Variants in KRT72 observed in about 807,000 individuals in gnomAD.
KRT72 encodes the protein keratin 72.
A neutral mutation model predicts 44.7 loss-of-function variants in KRT72; 44 were observed. The observed-to-expected ratio is 0.98, with a 90% CI of 0.77 to 1.27. The LOEUF (loss-of-function observed/expected upper bound fraction) is 1.27. Among genes scored for constraint, KRT72 ranks in the 50% most tolerant of loss-of-function variants. The pLI is 0.00. For synonymous variants in KRT72, 302 were observed against 280.4 expected, an observed-to-expected ratio of 1.08 and a Z score of -0.77; for missense variants, 736 against 667.1, an observed-to-expected ratio of 1.10 and a Z score of -1.14.
rs1939710732 is a variant in KRT72, at chr12:52,585,737, G to A, written c.*245C>T. 1 of 484,866 alleles carries A rather than the reference G, an allele frequency of 2.1e-6. No homozygotes were observed. The highest frequency in any genetic ancestry group is 3.7e-6 in the Non-Finnish European group (1 of 271,094). The allele number at this position is 484,866 out of a possible 1,614,324, so 30.0% of individuals were successfully genotyped here. On this transcript the variant is annotated 3_prime_UTR_variant, in exon 9 of 9. Coordinates refer to ENST00000293745, the MANE Select transcript of KRT72 (RefSeq NM_080747.3). ...CCTTGGGGAAACATCCTGGGTAAGT[G>A]TTGTCTTTGCATTTCAGGCAATGAC...
In KRT72 at chr12:52,585,773, G is replaced by A. The variant is rs563169280; in HGVS notation, c.*209C>T. 3.3e-5 allele frequency: 18 copies of A among 550,712 alleles called. No homozygotes were observed. Among genetic ancestry groups the A allele is most frequent in the Non-Finnish European group, 5.2e-5 (16 of 310,052 alleles). 34.1% of individuals were successfully genotyped at this position (550,712 alleles called of 1,614,324 possible). On this transcript the variant is annotated 3_prime_UTR_variant, in exon 9 of 9. Transcript: ENST00000293745. Reference sequence around the variant, plus strand: ...ATTTCAGGCAATGACCCAACGAAACGGGACCAAGAAGGAGGCCACTGAGAG... The same window carrying A: ...ATTTCAGGCAATGACCCAACGAAACAGGACCAAGAAGGAGGCCACTGAGAG...
At chr12:52,592,514 C>G (rs1189139649) in intron 3 of KRT72, 23 bp from the exon 4 acceptor site, 14 of 1,595,680 alleles carry the variant, frequency 8.8e-6, no homozygotes, top group Non-Finnish European at 8.6e-6. Context: ...GATAGTCAAG[C>G]CGCCCTGAGA....
intron 2 of KRT72, among the ~76,000 whole-genome samples, chr12:52,594,261 A>G (rs1435798309): frequency 1.3e-5 from 2 of 152,214 alleles, no homozygotes; most frequent in South Asian, 2.1e-4. Flanking sequence ...ATTACCGGGT[A>G]TATACTCAAA....
intron 2 of KRT72, among the ~76,000 whole-genome samples, chr12:52,596,917 T>C (rs541847582): frequency 1.5e-4 from 23 of 151,566 alleles, no homozygotes; most frequent in African/African-American, 5.1e-4. Context: ...CATAAAAATA[T>C]ATTATAACAA....
Position 52,601,267 on chromosome 12 carries a change from A to C in KRT72, c.186T>G (p.Ala62=). ...GGCGGCCGCCGCCCCGCCGTGCAGC[A>C]GCGCTGAGCGCCAGGCTTCGGCTGC... ...LGGSRSLALS[A]AARRGGGRLG... Residue 62 remains alanine (A), a synonymous_variant, in exon 1 of 9, where the codon GCT becomes GCG. Transcript: ENST00000293745. 1 of 1,556,914 alleles carries C rather than the reference A, an allele frequency of 6.4e-7. No homozygotes were observed. Among genetic ancestry groups the C allele is most frequent in the Non-Finnish European group, 8.7e-7 (1 of 1,151,290 alleles).
At chr12:52,590,153 T>A (rs1939941752) in intron 6 of KRT72, among the ~76,000 whole-genome samples, 1 of 152,130 alleles carries the variant, frequency 6.6e-6, no homozygotes, top group Non-Finnish European at 1.5e-5. Context: ...ACTCATGGGT[T>A]TGCTTGCTTT....
chr12:52,586,820 C>T, intron 8 of KRT72, 126 bp downstream of exon 8: 1 of 909,218 alleles, frequency 1.1e-6, no homozygotes, highest in Non-Finnish European at 1.8e-6. Flanking sequence ...CAGCTCCTTC[C>T]TTTTTCCCTT....
Position 52,591,578 on chromosome 12 carries a change from T to G in KRT72, c.849A>C (p.Ser283=), listed in dbSNP as rs769757085. ...GGTCCAGATCCCGGTTGTTGTCCATTGACAGGACGATGGACGTGTCGCTGA... is the reference window on the plus strand; with the variant it reads ...GGTCCAGATCCCGGTTGTTGTCCATGGACAGGACGATGGACGTGTCGCTGA... ...SHISDTSIVL[S]MDNNRDLDLD... The change falls in exon 5 of 9, where the codon TCA becomes TCC. Residue 283 remains serine, a synonymous_variant. Transcript: ENST00000293745. 1.2e-6 allele frequency: 2 copies of G among 1,613,886 alleles called. No homozygotes were observed. Among genetic ancestry groups the G allele is most frequent in the East Asian group, 4.5e-5 (2 of 44,884 alleles).
At chr12:52,589,015 T>A (rs1013960726) in intron 6 of KRT72, among the ~76,000 whole-genome samples, 3 of 145,230 alleles carry the variant, frequency 2.1e-5, no homozygotes, top group Admixed American at 1.3e-4. Context: ...TATATATATA[T>A]ATTAATTAAT....
intron 7 of KRT72, 85 bp downstream of exon 7, chr12:52,587,546 A>C: frequency 6.9e-7 from 1 of 1,450,680 alleles, no homozygotes; most frequent in South Asian, 1.2e-5. Flanking sequence ...AGTAGGACCT[A>C]AACAGGACCA....
chr12:52,595,773 G>T (rs61929565), intron 2 of KRT72, among the ~76,000 whole-genome samples: 10,633 of 152,214 alleles, frequency 0.07, 495 homozygotes, highest in African/African-American at 0.13. Flanking sequence ...ATTAAACGTG[G>T]TGCTCCTAAA....
chr12:52,598,540 C>A (rs1442982978), intron 2 of KRT72, among the ~76,000 whole-genome samples: 1 of 151,940 alleles, frequency 6.6e-6, no homozygotes, highest in African/African-American at 2.4e-5. Flanking sequence ...TTTTTAAATT[C>A]TTTTTTTTAG....
In KRT72 at chr12:52,591,579, G is replaced by T. The variant is rs779959806; in HGVS notation, c.848C>A (p.Ser283Ter). Residue 283 changes from serine to a stop codon, truncating the protein, a stop_gained, in exon 5 of 9, where the codon TCA becomes TAA. Transcript: ENST00000293745. LOFTEE classifies it high-confidence loss of function. ...GTCCAGATCCCGGTTGTTGTCCATT[G>T]ACAGGACGATGGACGTGTCGCTGAT... ...SHISDTSIVL[S>*]MDNNRDLDLD... 3.7e-6 allele frequency: 6 copies of T among 1,614,020 alleles called. No homozygotes were observed. The South Asian group carries it at 6.6e-5, about 18-fold the overall frequency.
At position 52,590,883 on chromosome 12, in the gene KRT72, G is replaced by C. The variant is rs765512861; in HGVS notation, c.1042C>G (p.Arg348Gly). The C allele has an allele frequency of 1.2e-6, 2 of 1,605,136 alleles. No individual in the cohort carries two copies. Among genetic ancestry groups the C allele is most frequent in the East Asian group, 4.5e-5 (2 of 44,722 alleles). Residue 348 changes from arginine (R) to glycine (G), a missense_variant, in exon 6 of 9, where the codon CGC becomes GGC. Arg to Gly is a moderately radical substitution (Grantham distance 125, BLOSUM62 -2). Coordinates refer to ENST00000293745, the MANE Select transcript of KRT72 (RefSeq NM_080747.3). The stretch of plus-strand genomic sequence containing the variant: ...TCTGAGCGGATCCTCTGGATCAGGC[G>C]GTTGAGCTCAGAGATTTCAGCCTTG... ...LTKAEISELN[R>G]LIQRIRSEIG...
In KRT72 at chr12:52,594,287, C is replaced by T. The variant is rs565140994; in HGVS notation, c.642-1335G>A. 1.8e-4 allele frequency among the ~76,000 whole-genome samples: 27 copies of T among 152,270 alleles called. No homozygotes were observed. In the South Asian group the frequency reaches 4.1e-3, roughly 23 times the overall value. ...TATACTCAAAGGATTATAAATCATG[C>T]TACTATAAAGACACATGCACACATA... On this transcript the variant is annotated intron_variant, in intron 2 of 8. Transcript: ENST00000293745.
chr12:52,600,931 A>C (rs1592235931), intron 1 of KRT72, 96 bp downstream of exon 1: 1 of 1,359,484 alleles, frequency 7.4e-7, no homozygotes, highest in Non-Finnish European at 1.0e-6. Context: ...AGAGGTTATG[A>C]CCCGCCCACG....
chr12:52,600,727 T>G (rs1447204006), intron 1 of KRT72, among the ~76,000 whole-genome samples: 1 of 129,814 alleles, frequency 7.7e-6, no homozygotes, highest in African/African-American at 2.6e-5. Context: ...CAATGAAACC[T>G]CTTTTTTTTT....
intron 3 of KRT72, 138 bp downstream of exon 3, chr12:52,592,754 G>T: frequency 1.4e-6 from 1 of 736,224 alleles, no homozygotes; most frequent in Middle Eastern, 3.8e-4. Flanking sequence ...TGGAGGGAGG[G>T]GCTGGGAAGT....
chr12:52,589,314 G>A (rs1307061099), intron 6 of KRT72, among the ~76,000 whole-genome samples: 7 of 152,172 alleles, frequency 4.6e-5, no homozygotes, highest in East Asian at 1.9e-4. Context: ...CAATGCCCTC[G>A]TATTTTGGAT....
Sources: allele counts gnomAD v4.1 joint callset (sites outside exome capture counted in the v4.1 genomes callset), GRCh38; gene constraint gnomAD v4.1.1; transcripts MANE v1.5; gene names NCBI Gene and HGNC (gene_info 2026-07-23, HGNC 2026-07-21).